Variants in THOC2 observed in about 807,000 individuals in gnomAD.
The protein encoded by THOC2 is THO complex 2.
Under a neutral mutation model 128.4 loss-of-function variants are expected in THOC2, and 10 were observed. The ratio of observed to expected loss-of-function variants is 0.08; its 90% CI spans 0.05 to 0.13. THOC2 has a LOEUF of 0.13. Among genes scored for constraint, THOC2 ranks in the 10% least tolerant of loss-of-function variants. The pLI is 1.00. For synonymous variants in THOC2, 393 were observed against 396.9 expected, an observed-to-expected ratio of 0.99 and a Z score of 0.12; for missense variants, 535 against 1,155.7, an observed-to-expected ratio of 0.46 and a Z score of 7.79.
chrX:123,692,761 C>T (rs183728775), intron 7 of THOC2, among the ~76,000 whole-genome samples: 2 of 111,037 alleles, frequency 1.8e-5, no homozygotes, highest in East Asian at 5.7e-4. Context: ...CTCGGCCACC[C>T]AGAGTGCTGG....
intron 2 of THOC2, among the ~76,000 whole-genome samples, chrX:123,708,489 C>T (rs1421173758): frequency 9.2e-6 from 1 of 108,337 alleles, no homozygotes; most frequent in Non-Finnish European, 1.9e-5. Flanking sequence ...ATTTTCCAGA[C>T]AATTAAGGTG....
chrX:123,686,526 A>G (rs1366540744), intron 8 of THOC2, 22 bp downstream of exon 8: 1 of 1,138,137 alleles, frequency 8.8e-7, no homozygotes, highest in Non-Finnish European at 1.2e-6. Flanking sequence ...CTAAATATAC[A>G]TACATACACG....
intron 38 of THOC2, 71 bp downstream of exon 38, chrX:123,610,847 G>T: frequency 1.0e-6 from 1 of 985,435 alleles, no homozygotes; most frequent in Non-Finnish European, 1.4e-6. Context: ...AATGCATCTA[G>T]TTTTTCAACA....
At chrX:123,626,993 AT>A (rs1285596666) in intron 23 of THOC2, among the ~76,000 whole-genome samples, 1 of 112,072 alleles carries the variant, frequency 8.9e-6, no homozygotes, top group East Asian at 2.8e-4. Context: ...TGCTCTCACA[AT>A]AGACTGCCCA....
chrX:123,701,728 T>C (rs1174409530), intron 4 of THOC2, among the ~76,000 whole-genome samples: 1 of 110,530 alleles, frequency 9.0e-6, no homozygotes, highest in Non-Finnish European at 1.9e-5. Context: ...AGTGCCTCAC[T>C]AAAAATTTTA....
At chrX:123,626,731 T>C in intron 23 of THOC2, 69 bp from the exon 24 acceptor site, 5 of 1,024,092 alleles carry the variant, frequency 4.9e-6, no homozygotes, top group Non-Finnish European at 3.9e-6. Flanking sequence ...AATTGAAAAG[T>C]TTAAAGAGAT....
intron 23 of THOC2, 21 bp from the exon 24 acceptor site, chrX:123,626,683 C>T (rs753790449): frequency 2.6e-6 from 3 of 1,172,368 alleles, no homozygotes; most frequent in Non-Finnish European, 2.3e-6. Context: ...TTCAATTAGA[C>T]ACTTTTCTAA....
intron 4 of THOC2, among the ~76,000 whole-genome samples, chrX:123,701,571 C>T (rs2050704432): frequency 9.0e-6 from 1 of 110,739 alleles, no homozygotes; most frequent in Non-Finnish European, 1.9e-5. Flanking sequence ...AAGATATACT[C>T]CTGACACTAT....
chrX:123,671,837 C>T lies in THOC2; in HGVS notation c.769-76G>A, dbSNP rs145848702. The T allele has an allele frequency of 6.8e-3, 3,848 of 561,757 alleles. 21 individuals are homozygous for T. Among genetic ancestry groups the T allele is most frequent in the Middle Eastern group, 0.016 (30 of 1,819 alleles). 46.3% of individuals were successfully genotyped at this position (561,757 alleles called of 1,213,427 possible). A position where few individuals can be genotyped will look rare whatever the true frequency, so the allele number is the denominator to read the frequency against. ...AGCAATATCCTTCACCTACCAATAACTAAGAACAATTAGATCAAATACTCT... is the reference window on the plus strand; with the variant it reads ...AGCAATATCCTTCACCTACCAATAATTAAGAACAATTAGATCAAATACTCT... On this transcript the variant is annotated intron_variant, in intron 8 of 38. Coordinates refer to ENST00000245838, the MANE Select transcript of THOC2 (RefSeq NM_001081550.2).
chrX:123,640,142 G>A (rs545037185), intron 16 of THOC2, among the ~76,000 whole-genome samples: 2 of 111,299 alleles, frequency 1.8e-5, no homozygotes, highest in African/African-American at 3.3e-5. Context: ...AGCCAAGATC[G>A]GGTCACTGCA....
intron 1 of THOC2, among the ~76,000 whole-genome samples, chrX:123,722,535 A>C (rs2051749018): frequency 9.1e-6 from 1 of 109,474 alleles, no homozygotes; most frequent in Non-Finnish European, 1.9e-5. Context: ...ACATGGACAC[A>C]GGGACAGGAA....
intron 8 of THOC2, among the ~76,000 whole-genome samples, chrX:123,683,600 C>CT (rs1167414661): frequency 0.026 from 2,628 of 99,668 alleles, 81 homozygotes; most frequent in African/African-American, 0.084. Context: ...AATGACAAGA[C>CT]TTTTTTTTTT....
chrX:123,675,208 T>C (rs889253592), intron 8 of THOC2, among the ~76,000 whole-genome samples: 1 of 112,016 alleles, frequency 8.9e-6, no homozygotes, highest in African/African-American at 3.2e-5. Context: ...ATTTCAGTTA[T>C]TGTACTTTTC....
chrX:123,671,143 A>G (rs982884506), intron 9 of THOC2, among the ~76,000 whole-genome samples: 2 of 111,932 alleles, frequency 1.8e-5, no homozygotes, highest in African/African-American at 6.5e-5. Flanking sequence ...CAATAAAAGC[A>G]TAATAGTCAT....
rs780100771 is a variant in THOC2, at chrX:123,691,524, G to A, written c.601+4497C>T. Among the ~76,000 whole-genome samples, 8 of 111,368 alleles carry A rather than the reference G, an allele frequency of 7.2e-5. No individual in the cohort carries two copies. In the South Asian group the frequency reaches 1.9e-3, roughly 27 times the overall value. ...CATAATCTATCCAAAAATAAAAATC[G>A]TTTGGCTTAAGGATTTATTTTGTTT... On this transcript the variant is annotated intron_variant, in intron 7 of 38. Transcript: ENST00000245838.
chrX:123,649,158 A>C (rs1459491236), intron 12 of THOC2, among the ~76,000 whole-genome samples: 1 of 112,272 alleles, frequency 8.9e-6, no homozygotes, highest in Non-Finnish European at 1.9e-5. Context: ...CCTCTGCTGG[A>C]GCTACCCAGG....
At chrX:123,611,213 A>G (rs113912003) in intron 37 of THOC2, among the ~76,000 whole-genome samples, 4 of 111,437 alleles carry the variant, frequency 3.6e-5, no homozygotes, top group African/African-American at 1.3e-4. Context: ...TAAATCCCTT[A>G]GTGGCATAAA....
In THOC2 at chrX:123,692,743, C is replaced by T. The variant is rs370171960; in HGVS notation, c.601+3278G>A. Among the ~76,000 whole-genome samples, 4 of 110,938 alleles carry T rather than the reference C, an allele frequency of 3.6e-5. No individual in the cohort carries two copies. In the East Asian group the frequency reaches 8.5e-4, roughly 23 times the overall value. ...TCTCAAATTCCAGACCTCAGGTGATCTGCCCACCTCGGCCACCCAGAGTGC... is the reference window on the plus strand; with the variant it reads ...TCTCAAATTCCAGACCTCAGGTGATTTGCCCACCTCGGCCACCCAGAGTGC... On this transcript the variant is annotated intron_variant, in intron 7 of 38. Coordinates refer to ENST00000245838, the MANE Select transcript of THOC2 (RefSeq NM_001081550.2).
At chrX:123,653,679 G>T (rs756542121) in intron 12 of THOC2, among the ~76,000 whole-genome samples, 1 of 111,872 alleles carries the variant, frequency 8.9e-6, no homozygotes, top group South Asian at 3.7e-4. Flanking sequence ...ATCATTACTG[G>T]TCATTAGAGA....
Sources: gnomAD v4.1 joint callset for allele counts (sites outside exome capture counted in the v4.1 genomes callset) on GRCh38, gnomAD v4.1.1 for gene constraint, MANE v1.5 for transcripts, NCBI Gene and HGNC (gene_info 2026-07-23, HGNC 2026-07-21) for gene names.